Variants in RIN3 observed in about 807,000 individuals in gnomAD.
The protein encoded by RIN3 is Ras and Rab interactor 3, also known as RAB5 interacting protein 3.
A neutral mutation model predicts 76.3 loss-of-function variants in RIN3; 54 were observed. The observed-to-expected ratio is 0.71, with a 90% CI of 0.57 to 0.89. The LOEUF is 0.89. Ranked by LOEUF, RIN3 falls within the 40% of genes least tolerant of loss-of-function variation. The probability of loss-of-function intolerance (pLI) is 0.00; values close to 1 mark genes in which losing one functional copy is unlikely to be tolerated. For missense variants in RIN3, 1,256 were observed against 1,322.1 expected, an observed-to-expected ratio of 0.95 and a Z score of 0.78; for synonymous variants, 576 against 564.0, an observed-to-expected ratio of 1.02 and a Z score of -0.30.
At position 92,681,308 on chromosome 14, in the gene RIN3, A is replaced by G. The variant is rs1040385697; in HGVS notation, c.2468-3679A>G. On this transcript the variant is annotated intron_variant, in intron 8 of 9. Transcript: ENST00000216487. The surrounding 1 kb of genome is among the most constrained non-coding windows in gnomAD (Gnocchi z 4.7). Reference sequence around the variant, plus strand: ...CAAAGAGGAAGGCTGGCAGAGAGAGAGGCCTCACGAAGAAGTCAGACTCCA... The same window carrying G: ...CAAAGAGGAAGGCTGGCAGAGAGAGGGGCCTCACGAAGAAGTCAGACTCCA... Among the ~76,000 whole-genome samples, 1 of 144,590 alleles carries G rather than the reference A, an allele frequency of 6.9e-6. No homozygotes were observed. The highest frequency in any genetic ancestry group is 2.6e-5 in the African/African-American group (1 of 38,486). The allele number at this position is 144,590 out of a possible 152,430, so 94.9% of individuals were successfully genotyped here.
At chr14:92,532,751 A>G (rs1896913047) in intron 1 of RIN3, among the ~76,000 whole-genome samples, 1 of 152,184 alleles carries the variant, frequency 6.6e-6, no homozygotes, top group African/African-American at 2.4e-5. Flanking sequence ...TCTTAGAGGA[A>G]GGGTGGTCTC....
intron 5 of RIN3, among the ~76,000 whole-genome samples, chr14:92,647,913 G>T (rs1212385686): frequency 6.6e-6 from 1 of 152,108 alleles, no homozygotes; most frequent in African/African-American, 2.4e-5. Flanking sequence ...TGAGGCCAGG[G>T]CAAGGATGGG....
chr14:92,676,644 A>G, intron 8 of RIN3, 38 bp downstream of exon 8: 1 of 1,603,182 alleles, frequency 6.2e-7, no homozygotes. Context: ...TGCATTGCAC[A>G]CCCCCAACTC....
intron 1 of RIN3, among the ~76,000 whole-genome samples, chr14:92,523,915 G>C (rs889332174): frequency 6.6e-6 from 1 of 152,300 alleles, no homozygotes; most frequent in African/African-American, 2.4e-5. Flanking sequence ...CCTGGAGACC[G>C]GGTGCAGTGG....
chr14:92,547,024 AT>A (rs1897283358), intron 1 of RIN3, among the ~76,000 whole-genome samples: 1 of 142,166 alleles, frequency 7.0e-6, no homozygotes, highest in Admixed American at 7.1e-5. Context: ...TATTAATATA[AT>A]TATTATTTTA....
At chr14:92,532,701 G>A (rs1029850223) in intron 1 of RIN3, among the ~76,000 whole-genome samples, 6 of 152,190 alleles carry the variant, frequency 3.9e-5, no homozygotes, top group African/African-American at 1.4e-4. Flanking sequence ...GGGTCACGGG[G>A]CCACGGTGGA....
intron 1 of RIN3, among the ~76,000 whole-genome samples, chr14:92,523,753 G>A (rs1159904572): frequency 6.6e-6 from 1 of 152,328 alleles, no homozygotes; most frequent in Non-Finnish European, 1.5e-5. Context: ...CTTTGACAGG[G>A]CTAGGTTTGC....
intron 4 of RIN3, among the ~76,000 whole-genome samples, chr14:92,636,796 T>C (rs1886792574): frequency 6.6e-6 from 1 of 152,180 alleles, no homozygotes; most frequent in African/African-American, 2.4e-5. Flanking sequence ...ATGCCTGTAA[T>C]CCCAGCACTT....
At chr14:92,538,532 T>C (rs1310344342) in intron 1 of RIN3, among the ~76,000 whole-genome samples, 3 of 152,182 alleles carry the variant, frequency 2.0e-5, no homozygotes, top group Non-Finnish European at 4.4e-5. Context: ...GGCAGTATTG[T>C]TTGATTGTTT....
intron 7 of RIN3, among the ~76,000 whole-genome samples, chr14:92,671,119 G>A (rs1020179484): frequency 2.0e-5 from 3 of 152,162 alleles, no homozygotes; most frequent in African/African-American, 4.8e-5. Context: ...GCAGTGATGC[G>A]AGAGAGGCTC....
intron 1 of RIN3, among the ~76,000 whole-genome samples, chr14:92,542,403 A>G (rs775728660): frequency 5.9e-5 from 9 of 152,246 alleles, no homozygotes; most frequent in Non-Finnish European, 1.2e-4. Flanking sequence ...GTAATAAAAA[A>G]GACAGACAAT....
At chr14:92,566,165 G>A (rs1360034218) in intron 2 of RIN3, among the ~76,000 whole-genome samples, 1 of 152,214 alleles carries the variant, frequency 6.6e-6, no homozygotes, top group African/African-American at 2.4e-5. Flanking sequence ...CGTCTAGTGG[G>A]AAGTCTGGAA....
At chr14:92,555,009 T>C (rs1258005054) in intron 1 of RIN3, among the ~76,000 whole-genome samples, 1 of 152,196 alleles carries the variant, frequency 6.6e-6, no homozygotes. Context: ...TGAAATCCTG[T>C]GTATATTTTG....
At chr14:92,614,567 C>T (rs1885874578) in intron 3 of RIN3, among the ~76,000 whole-genome samples, 1 of 152,036 alleles carries the variant, frequency 6.6e-6, no homozygotes, top group Admixed American at 6.6e-5. Context: ...CCATAATTCC[C>T]ACGAGTTGTG....
intron 5 of RIN3, among the ~76,000 whole-genome samples, chr14:92,649,667 G>A (rs1391227429): frequency 2.0e-5 from 3 of 152,178 alleles, no homozygotes; most frequent in Admixed American, 1.3e-4. Flanking sequence ...AAAGGGCCCT[G>A]GCAGTCACAA....
At chr14:92,604,053 G>A (rs945428031) in intron 3 of RIN3, among the ~76,000 whole-genome samples, 9 of 152,346 alleles carry the variant, frequency 5.9e-5, no homozygotes, top group South Asian at 2.1e-4. Flanking sequence ...CTGGGCAGCC[G>A]TGGACCCTGG....
intron 1 of RIN3, among the ~76,000 whole-genome samples, chr14:92,540,281 G>T (rs1897102973): frequency 6.6e-6 from 1 of 152,204 alleles, no homozygotes; most frequent in African/African-American, 2.4e-5. Context: ...CATAGAGCCT[G>T]TCCCCTGTTC....
intron 3 of RIN3, among the ~76,000 whole-genome samples, chr14:92,611,582 A>G (rs755398860): frequency 1.3e-5 from 2 of 151,968 alleles, no homozygotes; most frequent in Non-Finnish European, 2.9e-5. Context: ...GAGGACACCA[A>G]CCGTTGGATT....
At chr14:92,598,787 A>G (rs747729650) in intron 3 of RIN3, among the ~76,000 whole-genome samples, 8 of 152,198 alleles carry the variant, frequency 5.3e-5, no homozygotes, top group Non-Finnish European at 1.0e-4. Context: ...ATAGAGAATT[A>G]TAGAAGACAT....
Sources: allele counts gnomAD v4.1 joint callset (sites outside exome capture counted in the v4.1 genomes callset), GRCh38; gene constraint gnomAD v4.1.1; non-coding constraint Gnocchi (gnomAD v3.1); transcripts MANE v1.5; gene names NCBI Gene and HGNC (gene_info 2026-07-23, HGNC 2026-07-21).